The following RBPJ variants were observed in gnomAD, a reference collection of about 807,000 sequenced individuals.
RBPJ encodes recombination signal binding protein for immunoglobulin kappa J region.
Under a neutral mutation model 67.8 loss-of-function variants are expected in RBPJ, and 9 were observed. That is an observed-to-expected ratio of 0.13 (90% CI 0.08 to 0.23). The LOEUF (loss-of-function observed/expected upper bound fraction) is 0.23. Ranked by LOEUF, RBPJ falls within the 10% of genes least tolerant of loss-of-function variation. The probability of loss-of-function intolerance (pLI) is 1.00; values close to 1 mark genes in which losing one functional copy is unlikely to be tolerated. For synonymous variants in RBPJ, 198 were observed against 203.3 expected, an observed-to-expected ratio of 0.97 and a Z score of 0.22; for missense variants, 305 against 595.6, an observed-to-expected ratio of 0.51 and a Z score of 5.08.
At chr4:26,120,642 C>G in the RBPJ span, among the ~76,000 whole-genome samples, 1 of 151,194 alleles carries the variant, frequency 6.6e-6, no homozygotes, top group Non-Finnish European at 1.5e-5. Context: ...AAAGTTCTGG[C>G]TCATCTCATG....
intron 1 of RBPJ, among the ~76,000 whole-genome samples, chr4:26,334,540 G>C (rs1560273611): frequency 6.6e-6 from 1 of 152,154 alleles, no homozygotes; most frequent in Non-Finnish European, 1.5e-5. Context: ...ACGTGTGTAT[G>C]CAAAGGGGCT....
At chr4:26,144,970 C>A in the RBPJ span, among the ~76,000 whole-genome samples, 2 of 151,768 alleles carry the variant, frequency 1.3e-5, no homozygotes, top group Non-Finnish European at 2.9e-5. Context: ...GGTTTTCAGG[C>A]AACTGAAAAT....
chr4:26,134,303 A>G, the RBPJ span, among the ~76,000 whole-genome samples: 1 of 152,140 alleles, frequency 6.6e-6, no homozygotes, highest in Non-Finnish European at 1.5e-5. Context: ...TGCAGTTCTC[A>G]TCTATTTAGA....
chr4:26,220,720 A>G (rs1349750521), intron 1 of RBPJ, among the ~76,000 whole-genome samples: 2 of 152,228 alleles, frequency 1.3e-5, no homozygotes, highest in African/African-American at 4.8e-5. Context: ...TCATAGGAAT[A>G]CTGCTAGTAT....
intron 1 of RBPJ, among the ~76,000 whole-genome samples, chr4:26,197,667 G>A (rs1036940897): frequency 5.9e-5 from 9 of 152,140 alleles, no homozygotes; most frequent in Admixed American, 3.3e-4. Flanking sequence ...GAAACTACCT[G>A]CCGCAGAAAT....
intron 1 of RBPJ, among the ~76,000 whole-genome samples, chr4:26,191,206 T>TAGAGAGAG (rs1460217249): frequency 1.4e-3 from 44 of 30,450 alleles, no homozygotes; most frequent in Admixed American, 2.4e-3. Flanking sequence ...TATATATATA[T>TAGAGAGAG]ATATAGAGAG....
At chr4:26,141,964 G>T in the RBPJ span, among the ~76,000 whole-genome samples, 1 of 152,234 alleles carries the variant, frequency 6.6e-6, no homozygotes, top group African/African-American at 2.4e-5. Context: ...TGTTTATATA[G>T]ATTAGAACAT....
chr4:26,334,079 C>T (rs907945871), intron 1 of RBPJ, among the ~76,000 whole-genome samples: 5 of 151,084 alleles, frequency 3.3e-5, no homozygotes, highest in African/African-American at 1.2e-4. Context: ...CTCGCTCCGT[C>T]GCCCAGGCTG....
chr4:26,368,349 T>C (rs1289215581), intron 1 of RBPJ, among the ~76,000 whole-genome samples: 1 of 152,226 alleles, frequency 6.6e-6, no homozygotes, highest in Non-Finnish European at 1.5e-5. Flanking sequence ...TCCTACTCTT[T>C]TCCATAGCGT....
At chr4:26,368,441 C>T (rs1728835347) in intron 1 of RBPJ, among the ~76,000 whole-genome samples, 3 of 152,078 alleles carry the variant, frequency 2.0e-5, no homozygotes, top group African/African-American at 7.3e-5. Flanking sequence ...TCACTGCTTT[C>T]CACCTCATAC....
At chr4:26,394,428 C>G (rs980134983) in intron 2 of RBPJ, among the ~76,000 whole-genome samples, 3 of 151,320 alleles carry the variant, frequency 2.0e-5, no homozygotes, top group African/African-American at 7.3e-5. Context: ...TCTTGAAATA[C>G]TCCCTTTAAT....
intron 1 of RBPJ, among the ~76,000 whole-genome samples, chr4:26,230,992 A>G (rs1468889559): frequency 1.3e-5 from 2 of 152,238 alleles, no homozygotes; most frequent in African/African-American, 2.4e-5. Flanking sequence ...AGGCTCTCTG[A>G]CAACATCAAA....
intron 1 of RBPJ, among the ~76,000 whole-genome samples, chr4:26,268,370 G>A (rs1720775126): frequency 1.3e-5 from 2 of 152,162 alleles, no homozygotes; most frequent in South Asian, 4.1e-4. Context: ...TCTGGGGCCT[G>A]AGTCCTTCTC....
At chr4:26,263,625 G>A (rs567553048) in intron 1 of RBPJ, among the ~76,000 whole-genome samples, 46 of 152,300 alleles carry the variant, frequency 3.0e-4, no homozygotes, top group African/African-American at 1.1e-3. Flanking sequence ...AGGCTGGAAT[G>A]CAACGGCCCG....
At chr4:26,271,210 T>A (rs1442435851) in intron 1 of RBPJ, among the ~76,000 whole-genome samples, 2 of 152,164 alleles carry the variant, frequency 1.3e-5, no homozygotes, top group Non-Finnish European at 2.9e-5. Flanking sequence ...CCAGCCTAAT[T>A]TATAAATTAA....
At chr4:26,160,972 G>A (rs1354043341), upstream of RBPJ, among the ~76,000 whole-genome samples, 4 of 152,210 alleles carry the variant, frequency 2.6e-5, no homozygotes, top group South Asian at 6.2e-4. Context: ...TCTGGATGAT[G>A]ATGGTAATTG....
the RBPJ span, among the ~76,000 whole-genome samples, chr4:26,134,858 T>C: frequency 3.3e-5 from 5 of 152,192 alleles, no homozygotes; most frequent in Non-Finnish European, 7.3e-5. Flanking sequence ...CACCAGGAGC[T>C]TTGACATTTG....
chr4:26,421,810 C>T (rs1735165857), intron 5 of RBPJ, among the ~76,000 whole-genome samples: 1 of 152,074 alleles, frequency 6.6e-6, no homozygotes. Flanking sequence ...CATCATTATA[C>T]GTAACAGTTG....
chr4:26,357,283 A>G (rs1309334790), intron 1 of RBPJ, among the ~76,000 whole-genome samples: 1 of 152,166 alleles, frequency 6.6e-6, no homozygotes, highest in Non-Finnish European at 1.5e-5. Context: ...TGTAAGGAAG[A>G]ACTTAATGAA....
Sources: gnomAD v4.1 joint callset for allele counts (sites outside exome capture counted in the v4.1 genomes callset) on GRCh38, gnomAD v4.1.1 for gene constraint, MANE v1.5 for transcripts, NCBI Gene and HGNC (gene_info 2026-07-23, HGNC 2026-07-21) for gene names.